The following RELL1 variants were observed in gnomAD, a reference collection of about 807,000 sequenced individuals.
RELL1 encodes RELT-like protein 1.
In RELL1, 10 loss-of-function variants were observed where a neutral mutation model predicts 23.0. The ratio of observed to expected loss-of-function variants is 0.43; its 90% CI spans 0.27 to 0.74. RELL1 has a LOEUF of 0.74. Ranked by LOEUF, RELL1 falls within the 30% of genes least tolerant of loss-of-function variation. The pLI, the probability that RELL1 is intolerant of heterozygous loss-of-function variation, is 0.19. For missense variants in RELL1, 315 were observed against 364.4 expected (o/e 0.86, Z 1.10); for synonymous variants, 146 against 146.8 (o/e 0.99, Z 0.04).
At chr4:37,638,559 T>A in intron 3 of RELL1, 55 bp from the exon 4 acceptor site, 2 of 1,333,300 alleles carry the variant, frequency 1.5e-6, no homozygotes, top group East Asian at 2.5e-5. Context: ...AGATGAGTAA[T>A]CACATCAGAA....
intron 5 of RELL1, among the ~76,000 whole-genome samples, chr4:37,633,452 G>A (rs1720213995): frequency 7.7e-6 from 1 of 130,346 alleles, no homozygotes. Flanking sequence ...AAAAAGGCAT[G>A]TTGAATCTGA....
rs115812883 is a variant in RELL1, at chr4:37,605,370, C to T, written c.*4-14153G>A. Among the ~76,000 whole-genome samples, 1,045 of 152,166 alleles carry T rather than the reference C, an allele frequency of 6.9e-3. 20 individuals carry two copies. The highest frequency in any genetic ancestry group is 0.024 in the African/African-American group (996 of 41,486). ...TGTCCAATAAAAGGAACCAGGGCTC[C>T]TTGGGTTAGTGGTTGATTTCAGGGC... is the stretch of plus-strand genomic sequence containing the variant. On this transcript the variant is annotated intron_variant, in intron 6 of 6. Transcript: ENST00000314117.
intron 4 of RELL1, among the ~76,000 whole-genome samples, chr4:37,637,639 C>T (rs1046663564): frequency 1.3e-5 from 2 of 152,210 alleles, no homozygotes; most frequent in African/African-American, 4.8e-5. Context: ...ACCATGAGGC[C>T]TCACACACAC....
At chr4:37,604,834 C>CACACAGACACACAT (rs1719125099) in intron 6 of RELL1, among the ~76,000 whole-genome samples, 3 of 105,368 alleles carry the variant, frequency 2.8e-5, no homozygotes, top group South Asian at 3.2e-4. Flanking sequence ...CACACACATA[C>CACACAGACACACAT]ACACAGACAC....
At chr4:37,598,691 G>T (rs1178836678) in intron 6 of RELL1, among the ~76,000 whole-genome samples, 1 of 151,444 alleles carries the variant, frequency 6.6e-6, no homozygotes, top group Non-Finnish European at 1.5e-5. Context: ...ACAAACCGGT[G>T]CTTTTTTTTT....
intron 1 of RELL1, among the ~76,000 whole-genome samples, chr4:37,663,285 C>A (rs1035597220): frequency 3.9e-5 from 6 of 152,136 alleles, no homozygotes; most frequent in Non-Finnish European, 8.8e-5. Flanking sequence ...CCGTCTGTCT[C>A]CTGGGAAGGG....
chr4:37,631,391 C>G lies in RELL1; in HGVS notation c.813G>C (p.Glu271Asp). ...TPVKRERSGT[E>D] is the part of the protein sequence containing the mutation. ...CACCAAAACCACGGCTCACCTGCTA[C>G]TCTGTGCCACTGCGTTCTCTCTTCA... Residue 271 changes from glutamate to aspartate, a missense_variant, in exon 6 of 7, where the codon GAG becomes GAC. Transcript: ENST00000454158. 1 of 1,613,428 alleles carries G rather than the reference C, an allele frequency of 6.2e-7. No individual in the cohort carries two copies. Among genetic ancestry groups the G allele is most frequent in the South Asian group, 1.1e-5 (1 of 90,870 alleles).
intron 6 of RELL1, among the ~76,000 whole-genome samples, chr4:37,619,252 G>A (rs186866602): frequency 4.6e-5 from 7 of 151,120 alleles, no homozygotes; most frequent in Non-Finnish European, 8.8e-5. Flanking sequence ...GCGCAATCTC[G>A]GCTCACTGCA....
At chr4:37,657,811 C>T (rs1560350722) in intron 1 of RELL1, among the ~76,000 whole-genome samples, 1 of 152,012 alleles carries the variant, frequency 6.6e-6, no homozygotes, top group Non-Finnish European at 1.5e-5. Context: ...ACTTGGGTGG[C>T]TGAGATGGGA....
At position 37,610,951 on chromosome 4, in the gene RELL1, G is replaced by A. The variant is rs1719354804; in HGVS notation, c.*2395C>T. Among the ~76,000 whole-genome samples the A allele has an allele frequency of 6.6e-6, 1 of 152,196 alleles. No homozygotes were observed. Among genetic ancestry groups the A allele is most frequent in the Admixed American group, 6.5e-5 (1 of 15,276 alleles). ...GTATAAACCAGTAAAAAGCGTATGT[G>A]TTGAAAATACTGAACGCTTAATTTT... On this transcript the variant is annotated 3_prime_UTR_variant, in exon 7 of 7. Coordinates refer to ENST00000454158, the MANE Select transcript of RELL1 (RefSeq NM_001085400.2). This position sits in a 1 kb window ranked among gnomAD's most constrained non-coding sequence, Gnocchi z 4.1.
downstream of RELL1, among the ~76,000 whole-genome samples, chr4:37,605,787 A>AAG (rs1214332381): frequency 2.9e-4 from 16 of 54,498 alleles, no homozygotes; most frequent in Non-Finnish European, 3.2e-4. Flanking sequence ...GAGAGAGAGA[A>AAG]AGAAAGAGAA....
downstream of RELL1, among the ~76,000 whole-genome samples, chr4:37,610,446 CCT>C (rs1207046914): frequency 6.6e-6 from 1 of 151,946 alleles, no homozygotes; most frequent in African/African-American, 2.4e-5. This position sits in a 1 kb window ranked among gnomAD's most constrained non-coding sequence, Gnocchi z 4.1. Flanking sequence ...CCAAAGTATG[CCT>C]GTGTTAGGGG....
chr4:37,678,122 A>T (rs1258614355), intron 1 of RELL1, among the ~76,000 whole-genome samples: 1 of 152,228 alleles, frequency 6.6e-6, no homozygotes, highest in East Asian at 1.9e-4. Flanking sequence ...AGAAGGCAAC[A>T]GAGGAGCAGG....
At chr4:37,609,462 T>C (rs1367078601), downstream of RELL1, among the ~76,000 whole-genome samples, 3 of 152,214 alleles carry the variant, frequency 2.0e-5, no homozygotes, top group Non-Finnish European at 4.4e-5. Flanking sequence ...CAACATCCAT[T>C]CTGCAGCCCA....
chr4:37,651,051 CTG>C (rs1720914608), intron 1 of RELL1, among the ~76,000 whole-genome samples: 2 of 96,048 alleles, frequency 2.1e-5, no homozygotes, highest in African/African-American at 3.9e-5. Flanking sequence ...CAGAGCAAGA[CTG>C]TCTCAAAAAA....
intron 3 of RELL1, 21 bp from the exon 4 acceptor site, chr4:37,638,525 T>C (rs1202881066): frequency 1.3e-6 from 2 of 1,566,912 alleles, no homozygotes; most frequent in Non-Finnish European, 1.8e-6. Context: ...AAAATAAAAT[T>C]AAAGAATTAA....
intron 1 of RELL1, among the ~76,000 whole-genome samples, chr4:37,670,010 C>T (rs1217236034): frequency 2.5e-4 from 36 of 143,616 alleles, no homozygotes; most frequent in Non-Finnish European, 4.0e-4. Flanking sequence ...TCCCCCTCTG[C>T]GAGAAACACC....
chr4:37,615,712 A>G (rs1719552677), intron 6 of RELL1, among the ~76,000 whole-genome samples: 1 of 152,240 alleles, frequency 6.6e-6, no homozygotes, highest in Admixed American at 6.5e-5. Flanking sequence ...GTTCCATTAC[A>G]TGGAAAACAG....
intron 3 of RELL1, among the ~76,000 whole-genome samples, chr4:37,643,064 T>C (rs892903782): frequency 1.6e-4 from 25 of 152,258 alleles, no homozygotes; most frequent in African/African-American, 5.5e-4. Flanking sequence ...CCCAGCCATT[T>C]AAGATTATAG....
Sources: allele counts gnomAD v4.1 joint callset (sites outside exome capture counted in the v4.1 genomes callset), GRCh38; gene constraint gnomAD v4.1.1; non-coding constraint Gnocchi (gnomAD v3.1); transcripts MANE v1.5; gene names NCBI Gene and HGNC (gene_info 2026-07-23, HGNC 2026-07-21).